The following TMEM170B variants were observed in gnomAD, a reference collection of about 807,000 sequenced individuals.
The protein encoded by TMEM170B is transmembrane protein 170B.
A neutral mutation model predicts 13.0 loss-of-function variants in TMEM170B; 6 were observed. That is an observed-to-expected ratio of 0.46 (90% confidence interval 0.25 to 0.91). The LOEUF (loss-of-function observed/expected upper bound fraction) is 0.91, where lower values mean the gene tolerates loss of function less well. TMEM170B is among the 40% of genes least tolerant of loss of function. TMEM170B has a pLI of 0.17. For missense variants in TMEM170B, 138 were observed against 165.2 expected (o/e 0.84, Z 0.90); for synonymous variants, 61 against 64.9 (o/e 0.94, Z 0.29).
intron 1 of TMEM170B, among the ~76,000 whole-genome samples, chr6:11,540,965 TGAAAG>T (rs993156478): frequency 7.2e-5 from 11 of 152,178 alleles, no homozygotes; most frequent in African/African-American, 2.2e-4. Context: ...CTCATTAAAA[TGAAAG>T]GAATCTTTTT....
intron 1 of TMEM170B, among the ~76,000 whole-genome samples, chr6:11,540,740 G>A (rs998756152): frequency 6.6e-6 from 1 of 152,100 alleles, no homozygotes; most frequent in South Asian, 2.1e-4. Context: ...AATTTCCTTT[G>A]CCCAGGTCCA....
intron 1 of TMEM170B, among the ~76,000 whole-genome samples, chr6:11,553,207 G>A (rs962598797): frequency 1.3e-5 from 2 of 152,126 alleles, no homozygotes; most frequent in Non-Finnish European, 2.9e-5. Flanking sequence ...GGTGGGTTTT[G>A]CATCCTTAGA....
rs1759910290 is a variant in TMEM170B, at chr6:11,578,634, G to C, written c.*3073G>C. On this transcript the variant is annotated 3_prime_UTR_variant, in exon 3 of 3. Coordinates refer to ENST00000379426, the MANE Select transcript of TMEM170B (RefSeq NM_001100829.3). Reference sequence around the variant, plus strand: ...AAGTCCTAAATGATGGCTATCTTCAGGGCCTGGAGCAGAATTATTCTTTAG... The same window carrying C: ...AAGTCCTAAATGATGGCTATCTTCACGGCCTGGAGCAGAATTATTCTTTAG... 1 of 152,188 alleles carries C rather than the reference G, an allele frequency of 6.6e-6. No individual in the cohort carries two copies. Among genetic ancestry groups the C allele is most frequent in the South Asian group, 2.1e-4 (1 of 4,836 alleles). The allele number at this position is 152,188 out of a possible 1,614,324, so 9.4% of individuals were successfully genotyped here.
chr6:11,539,134 C>G (rs1234773910), intron 1 of TMEM170B, among the ~76,000 whole-genome samples: 1 of 152,150 alleles, frequency 6.6e-6, no homozygotes, highest in African/African-American at 2.4e-5. Context: ...TATTTTTATT[C>G]AGTCTGTAGA....
intron 1 of TMEM170B, among the ~76,000 whole-genome samples, chr6:11,564,931 C>T (rs771403525): frequency 6.6e-6 from 1 of 152,090 alleles, no homozygotes; most frequent in African/African-American, 2.4e-5. Context: ...GGAGTCAGTG[C>T]AAGGACATCT....
rs560057692 is a variant in TMEM170B at position 11,538,989 on chromosome 6, T to A, written c.97+615T>A. ...CCATTTCCTTTTGTCTGTCTGTCTC[T>A]TTCCCTCAGGCCTCCAGCTGCTGCT... On this transcript the variant is annotated intron_variant, in intron 1 of 2. Coordinates refer to ENST00000379426, the MANE Select transcript of TMEM170B (RefSeq NM_001100829.3). Among the ~76,000 whole-genome samples, 3 of 152,346 alleles carry A rather than the reference T, an allele frequency of 2.0e-5. No individual in the cohort carries two copies. In the South Asian group the frequency reaches 6.2e-4, roughly 32 times the overall value.
In TMEM170B at chr6:11,575,614, CTG is replaced by C; in HGVS notation, c.*54_*55del. 6.3e-7 allele frequency: 1 copy of C among 1,596,204 alleles called. No individual in the cohort carries two copies. The highest frequency in any genetic ancestry group is 2.2e-5 in the East Asian group (1 of 44,670). On this transcript the variant is annotated 3_prime_UTR_variant, in exon 3 of 3. Transcript: ENST00000379426. This position sits in a 1 kb window ranked among gnomAD's most constrained non-coding sequence, Gnocchi z 4.1. ...ATAAGGAAACAGATGTACAGATTCC[CTG>C]AAAACGGCATTGTTAACAAGTGGAA... is the stretch of plus-strand genomic sequence containing the variant.
At chr6:11,562,549 T>TA (rs540146078) in intron 1 of TMEM170B, among the ~76,000 whole-genome samples, 55 of 152,096 alleles carry the variant, frequency 3.6e-4, no homozygotes, top group African/African-American at 1.3e-3. Context: ...AAGCTGATTT[T>TA]AAAAAAATCT....
At chr6:11,570,886 A>G (rs1759789590) in intron 2 of TMEM170B, among the ~76,000 whole-genome samples, 1 of 152,188 alleles carries the variant, frequency 6.6e-6, no homozygotes, top group South Asian at 2.1e-4. Context: ...GATGGACACT[A>G]AAATCAGAAT....
intron 1 of TMEM170B, among the ~76,000 whole-genome samples, chr6:11,550,293 C>T (rs564145177): frequency 2.0e-5 from 3 of 152,102 alleles, no homozygotes; most frequent in Non-Finnish European, 4.4e-5. Context: ...TTGCTTCCGC[C>T]CCCAAGTAGC....
chr6:11,557,343 C>T (rs1359049064), intron 1 of TMEM170B, among the ~76,000 whole-genome samples: 1 of 152,064 alleles, frequency 6.6e-6, no homozygotes, highest in Non-Finnish European at 1.5e-5. Flanking sequence ...TTAAATTCTA[C>T]AAAATCATGC....
chr6:11,552,447 A>G (rs1759537299), intron 1 of TMEM170B, among the ~76,000 whole-genome samples: 1 of 152,204 alleles, frequency 6.6e-6, no homozygotes. Context: ...TCGTCATCCA[A>G]AAGACCACTA....
chr6:11,545,989 G>A (rs1354498274), intron 1 of TMEM170B, among the ~76,000 whole-genome samples: 2 of 142,074 alleles, frequency 1.4e-5, no homozygotes, highest in African/African-American at 2.6e-5. Context: ...TCCAGCTTGG[G>A]CAACAGAGCG....
At chr6:11,545,690 C>T (rs758780929) in intron 1 of TMEM170B, among the ~76,000 whole-genome samples, 3 of 151,740 alleles carry the variant, frequency 2.0e-5, no homozygotes, top group African/African-American at 7.3e-5. Context: ...TATGTATTTA[C>T]TGTACTAGAT....
rs1305049144 is a variant in TMEM170B at position 11,578,822 on chromosome 6, T to C, written c.*3261T>C. 1 of 152,182 alleles carries C rather than the reference T, an allele frequency of 6.6e-6. No individual in the cohort carries two copies. 9.4% of individuals were successfully genotyped at this position (152,182 alleles called of 1,614,324 possible). A position where few individuals can be genotyped will look rare whatever the true frequency, so the allele number is the denominator to read the frequency against. ...GCCTGTATATCTTGTATTTGTGATA[T>C]GAGCAACGGGATAATTTGAAATCAC... is the stretch of plus-strand genomic sequence containing the variant. On this transcript the variant is annotated 3_prime_UTR_variant, in exon 3 of 3. Transcript: ENST00000379426.
Position 11,580,988 on chromosome 6 carries a change from T to C in TMEM170B, c.*5427T>C, listed in dbSNP as rs1257410725. Reference sequence around the variant, plus strand: ...GTCTGTGTAGGCAGTACAGTGTTGTTAGGGAGGTTGCTGAATTATCTAAAA... The same window carrying C: ...GTCTGTGTAGGCAGTACAGTGTTGTCAGGGAGGTTGCTGAATTATCTAAAA... On this transcript the variant is annotated 3_prime_UTR_variant, in exon 3 of 3. Coordinates refer to ENST00000379426, the MANE Select transcript of TMEM170B (RefSeq NM_001100829.3). 1 of 152,186 alleles carries C rather than the reference T, an allele frequency of 6.6e-6. No homozygotes were observed. Among genetic ancestry groups the C allele is most frequent in the African/African-American group, 2.4e-5 (1 of 41,448 alleles). 9.4% of individuals were successfully genotyped at this position (152,186 alleles called of 1,614,324 possible). A position where few individuals can be genotyped will look rare whatever the true frequency, so the allele number is the denominator to read the frequency against.
chr6:11,539,518 A>T (rs1410556813), intron 1 of TMEM170B, among the ~76,000 whole-genome samples: 1 of 152,216 alleles, frequency 6.6e-6, no homozygotes, highest in Non-Finnish European at 1.5e-5. Flanking sequence ...GGAATTATAT[A>T]CCACAAAAGA....
chr6:11,556,633 A>T (rs181698083), intron 1 of TMEM170B, among the ~76,000 whole-genome samples: 1 of 151,852 alleles, frequency 6.6e-6, no homozygotes, highest in African/African-American at 2.4e-5. Context: ...CTCTTCTTAC[A>T]TTTGTGATTG....
At chr6:11,566,817 C>T (rs1454744207) in intron 2 of TMEM170B, among the ~76,000 whole-genome samples, 2 of 152,198 alleles carry the variant, frequency 1.3e-5, no homozygotes, top group Non-Finnish European at 2.9e-5. Flanking sequence ...ACTTGGGAGG[C>T]GAGCATGCGC....
Sources: allele counts gnomAD v4.1 joint callset (sites outside exome capture counted in the v4.1 genomes callset), GRCh38; gene constraint gnomAD v4.1.1; non-coding constraint Gnocchi (gnomAD v3.1); transcripts MANE v1.5; gene names NCBI Gene and HGNC (gene_info 2026-07-23, HGNC 2026-07-21).